Variants in DACT1 observed in about 807,000 individuals in gnomAD.
The protein encoded by DACT1 is dishevelled binding antagonist of beta catenin 1.
Under a neutral mutation model 35.3 loss-of-function variants are expected in DACT1, and 19 were observed. That is an observed-to-expected ratio of 0.54 (90% CI 0.38 to 0.79). The LOEUF (loss-of-function observed/expected upper bound fraction) is 0.79, where lower values mean the gene tolerates loss of function less well. Among genes scored for constraint, DACT1 ranks in the 30% least tolerant of loss-of-function variants. The pLI is 0.00. For synonymous variants in DACT1, 545 were observed against 466.7 expected (o/e 1.17, Z -2.16); for missense variants, 1,143 against 1,057.5 (o/e 1.08, Z -1.12).
chr14:58,639,215 C>T (rs1428005257), intron 1 of DACT1: 2 of 985,276 alleles, frequency 2.0e-6, no homozygotes, highest in African/African-American at 3.5e-5. Context: ...ATACGTTCTG[C>T]CAGCTGTGAT....
rs948267044 is a variant in DACT1 at position 58,646,820 on chromosome 14, C to T, written c.2086C>T (p.Leu696=). Residue 696 remains leucine, a synonymous_variant, in exon 4 of 4, where the codon CTG becomes TTG. Transcript: ENST00000395153. ...DSEYSAECES[L]FHSTVVDTSE... Reference sequence around the variant, plus strand: ...CGAGTACTCGGCCGAGTGCGAGTCCCTGTTCCACTCCACCGTGGTGGACAC... The same window carrying T: ...CGAGTACTCGGCCGAGTGCGAGTCCTTGTTCCACTCCACCGTGGTGGACAC... The T allele has an allele frequency of 1.2e-6, 2 of 1,614,210 alleles. No individual in the cohort carries two copies. Among genetic ancestry groups the T allele is most frequent in the African/African-American group, 1.3e-5 (1 of 75,062 alleles).
In DACT1 at chr14:58,645,286, A is replaced by G. The variant is rs2047662194; in HGVS notation, c.635-83A>G. The G allele has an allele frequency of 3.1e-6, 5 of 1,614,004 alleles. No homozygotes were observed. The East Asian group carries it at 1.1e-4, about 36-fold the overall frequency. ...TCATAGGATTGTTGGAATATAAAGA[A>G]GGCCACTGTGAAGACCAGGCCTCAG... On this transcript the variant is annotated intron_variant, in intron 3 of 3. Transcript: ENST00000395153.
rs1400509642 is a variant in DACT1, at chr14:58,647,952, G to A, written c.*818G>A. The A allele has an allele frequency of 6.0e-6, 1 of 167,052 alleles. No homozygotes were observed. Among genetic ancestry groups the A allele is most frequent in the Non-Finnish European group, 1.5e-5 (1 of 68,136 alleles). 10.3% of individuals were successfully genotyped at this position (167,052 alleles called of 1,614,324 possible). A position where few individuals can be genotyped will look rare whatever the true frequency, so the allele number is the denominator to read the frequency against. On this transcript the variant is annotated 3_prime_UTR_variant, in exon 4 of 4. Coordinates refer to ENST00000395153, the MANE Select transcript of DACT1 (RefSeq NM_001079520.2). Reference sequence around the variant, plus strand: ...ATTCACTATTAATGAAGTAACCCTTGGGCATGACTCCAATCCCAGAATTGC... The same window carrying A: ...ATTCACTATTAATGAAGTAACCCTTAGGCATGACTCCAATCCCAGAATTGC...
In DACT1 at chr14:58,645,671, A is replaced by G; in HGVS notation, c.937A>G (p.Thr313Ala). ...CATTCTGAGCCTGGTCCAGAAAAAA[A>G]CACACCCTGTAAGGACCAACAAACC... is the stretch of plus-strand genomic sequence containing the variant. ...GYILSLVQKKTHPVRTNKPRT... is the reference protein window; with the variant it reads ...GYILSLVQKKAHPVRTNKPRT... The change falls in exon 4 of 4, where the codon ACA becomes GCA. Residue 313 changes from threonine (T) to alanine (A), a missense_variant. Thr to Ala is a moderately conservative substitution (Grantham distance 58). Around this residue, in one of 3 missense-constraint regions of DACT1, gnomAD observed 1,054 missense variants for 958.8 expected, o/e 1.10. Transcript: ENST00000395153. 1 of 1,614,194 alleles carries G rather than the reference A, an allele frequency of 6.2e-7. No individual in the cohort carries two copies.
In DACT1 at chr14:58,645,882, C is replaced by T; in HGVS notation, c.1148C>T (p.Ser383Leu). 2 of 1,614,154 alleles carry T rather than the reference C, an allele frequency of 1.2e-6. No homozygotes were observed. The highest frequency in any genetic ancestry group is 1.7e-6 in the Non-Finnish European group (2 of 1,180,038). The change falls in exon 4 of 4, where the codon TCG becomes TTG. Residue 383 changes from serine to leucine, a missense_variant. Ser to Leu is a moderately radical substitution (Grantham distance 145). Transcript: ENST00000395153. Reference sequence around the variant, plus strand: ...ACATTCTCCCCACCGAAGCAGTGGTCGAAAGAATCAAAGGCCGAACAAGCC... The same window carrying T: ...ACATTCTCCCCACCGAAGCAGTGGTTGAAAGAATCAAAGGCCGAACAAGCC... Reference protein sequence around the residue: ...NGTFSPPKQWSKESKAEQAES... With the variant: ...NGTFSPPKQWLKESKAEQAES...
chr14:58,634,963 T>C (rs1447094327), upstream of DACT1, among the ~76,000 whole-genome samples: 1 of 152,218 alleles, frequency 6.6e-6, no homozygotes, highest in Non-Finnish European at 1.5e-5. Context: ...CAACTTTATC[T>C]TACTCTCCAG....
In DACT1 at chr14:58,645,988, G is replaced by T. The variant is rs1399599721; in HGVS notation, c.1254G>T (p.Thr418=). 2.5e-6 allele frequency: 4 copies of T among 1,613,790 alleles called. No homozygotes were observed. The highest frequency in any genetic ancestry group is 3.4e-6 in the Non-Finnish European group (4 of 1,180,028). The change falls in exon 4 of 4, where the codon ACG becomes ACT. Residue 418 remains threonine, a synonymous_variant. Coordinates refer to ENST00000395153, the MANE Select transcript of DACT1 (RefSeq NM_001079520.2). ...TTCAGAGTAAGCACCTGCCAAAAAC[G>T]GCCAAGCCAGCCTCGCAAGAACATG... is the stretch of plus-strand genomic sequence containing the variant. ...SDLQSKHLPK[T]AKPASQEHAR...
At position 58,638,020 on chromosome 14, in the gene DACT1, G is replaced by A. The variant is rs1410223191; in HGVS notation, c.-183G>A. 2.0e-6 allele frequency: 1 copy of A among 493,276 alleles called. No individual in the cohort carries two copies. The highest frequency in any genetic ancestry group is 3.0e-6 in the Non-Finnish European group (1 of 335,400). The allele number at this position is 493,276 out of a possible 1,614,324, so 30.6% of individuals were successfully genotyped here. ...CGGCGACAGCGGACGGCGCTGCCCGGGCCGGGACAGCAGCAGCCGGCGGTC... is the reference window on the plus strand; with the variant it reads ...CGGCGACAGCGGACGGCGCTGCCCGAGCCGGGACAGCAGCAGCCGGCGGTC... On this transcript the variant is annotated 5_prime_UTR_variant, in exon 1 of 4. Coordinates refer to ENST00000395153, the MANE Select transcript of DACT1 (RefSeq NM_001079520.2).
intron 3 of DACT1, 56 bp from the exon 4 acceptor site, chr14:58,645,313 G>T (rs769672464): frequency 1.2e-6 from 2 of 1,614,132 alleles, no homozygotes; most frequent in Non-Finnish European, 8.5e-7. Context: ...AGGCCTCAGG[G>T]GCAGTTTGCC....
At chr14:58,637,762 GGGGGAGGAGGC>G (rs1243105331), upstream of DACT1, among the ~76,000 whole-genome samples, 1 of 152,070 alleles carries the variant, frequency 6.6e-6, no homozygotes, top group Non-Finnish European at 1.5e-5. Flanking sequence ...CGAAGAGAGC[GGGGGAGGAGGC>G]GGGGAGGGGC....
chr14:58,641,121 C>T (rs1313541699), intron 2 of DACT1, among the ~76,000 whole-genome samples: 1 of 152,000 alleles, frequency 6.6e-6, no homozygotes, highest in Non-Finnish European at 1.5e-5. Flanking sequence ...CAAATTTCTG[C>T]AAGAGGTGCC....
chr14:58,642,856 A>T (rs1595598315), intron 3 of DACT1, among the ~76,000 whole-genome samples: 1 of 152,198 alleles, frequency 6.6e-6, no homozygotes, highest in African/African-American at 2.4e-5. Context: ...ACATGCCATT[A>T]TTCCTTATTT....
upstream of DACT1, among the ~76,000 whole-genome samples, chr14:58,635,653 C>T: frequency 8.2e-6 from 1 of 122,470 alleles, no homozygotes; most frequent in Non-Finnish European, 1.6e-5. Context: ...TTGCTTTGGA[C>T]TAATGAGCCA....
chr14:58,645,207 C>A, intron 3 of DACT1, 162 bp from the exon 4 acceptor site: 15 of 1,478,328 alleles, frequency 1.0e-5, no homozygotes, highest in Non-Finnish European at 1.4e-5. Flanking sequence ...AAGAGTCAAG[C>A]TGGTGCTGAC....
Position 58,647,092 on chromosome 14 carries a change from C to A in DACT1, c.2358C>A (p.Leu786=), listed in dbSNP as rs1232576362. The A allele has an allele frequency of 3.1e-6, 5 of 1,614,058 alleles. No individual in the cohort carries two copies. In the African/African-American group the frequency reaches 6.7e-5, roughly 22 times the overall value. Reference sequence around the variant, plus strand: ...CACATAACCTCAAGAAGAAGATCCTCCGCTTTCGGTCTGGCTCTTTGAAAC... The same window carrying A: ...CACATAACCTCAAGAAGAAGATCCTACGCTTTCGGTCTGGCTCTTTGAAAC... ...KASHNLKKKI[L]RFRSGSLKLM... is the part of the protein sequence containing the mutation. Residue 786 remains leucine, a synonymous_variant, in exon 4 of 4, where the codon CTC becomes CTA. Coordinates refer to ENST00000395153, the MANE Select transcript of DACT1 (RefSeq NM_001079520.2).
At position 58,646,924 on chromosome 14, in the gene DACT1, G is replaced by C; in HGVS notation, c.2190G>C (p.Val730=). 2 of 1,614,162 alleles carry C rather than the reference G, an allele frequency of 1.2e-6. No individual in the cohort carries two copies. The highest frequency in any genetic ancestry group is 1.7e-6 in the Non-Finnish European group (2 of 1,180,020). Residue 730 remains valine, a synonymous_variant, in exon 4 of 4, where the codon GTG becomes GTC. Coordinates refer to ENST00000395153, the MANE Select transcript of DACT1 (RefSeq NM_001079520.2). The part of the protein sequence containing the change: ...SESSVSEGEF[V]GESTTTSDSE... Reference sequence around the variant, plus strand: ...CGAGTGTGAGCGAGGGCGAGTTCGTGGGGGAGAGCACAACCACCAGCGACT... The same window carrying C: ...CGAGTGTGAGCGAGGGCGAGTTCGTCGGGGAGAGCACAACCACCAGCGACT...
intron 3 of DACT1, among the ~76,000 whole-genome samples, chr14:58,642,133 G>A (rs1179512883): frequency 1.3e-5 from 2 of 152,162 alleles, no homozygotes; most frequent in African/African-American, 4.8e-5. Context: ...GCTCACACCT[G>A]TAATCCCAGC....
chr14:58,638,473 G>C lies in DACT1; in HGVS notation c.271G>C (p.Gly91Arg), dbSNP rs747669823. Residue 91 changes from glycine (G) to arginine (R), a missense_variant, in exon 1 of 4, where the codon GGG (glycine) becomes CGG (arginine). By Grantham distance (125) the Gly-to-Arg change is moderately radical (BLOSUM62 -2). This residue lies in a region of DACT1 where 1,054 missense variants were observed against 958.8 expected (regional missense o/e 1.10). Transcript: ENST00000395153. ...AAAPRAGELL[G>R]EAAQRSRLEE... Reference sequence around the variant, plus strand: ...TGCGCCCCGCGCTGGGGAGCTACTGGGGGAGGCGGCGCAGCGCAGTCGCCT... The same window carrying C: ...TGCGCCCCGCGCTGGGGAGCTACTGCGGGAGGCGGCGCAGCGCAGTCGCCT... 8.8e-6 allele frequency: 12 copies of C among 1,358,900 alleles called. No homozygotes were observed. Among genetic ancestry groups the C allele is most frequent in the Non-Finnish European group, 1.1e-5 (12 of 1,050,526 alleles). The allele number at this position is 1,358,900 out of a possible 1,614,324, so 84.2% of individuals were successfully genotyped here.
chr14:58,638,682 A>G, intron 1 of DACT1, 135 bp downstream of exon 1: 1 of 1,208,972 alleles, frequency 8.3e-7, no homozygotes, highest in Non-Finnish European at 1.0e-6. Flanking sequence ...CGACCGCCCC[A>G]TACCTCCCTG....
Sources: gnomAD v4.1 joint callset for allele counts (sites outside exome capture counted in the v4.1 genomes callset) on GRCh38, gnomAD v4.1.1 for gene constraint, gnomAD v4.1.1 regional missense constraint, MANE v1.5 for transcripts, NCBI Gene and HGNC (gene_info 2026-07-23, HGNC 2026-07-21) for gene names.